The following SORL1 variants were observed in gnomAD, a reference collection of about 807,000 sequenced individuals.
SORL1 encodes sortilin related receptor 1.
SORL1 carries 127 observed loss-of-function variants against 273.7 expected under a neutral mutation model. The ratio of observed to expected loss-of-function variants is 0.46; its 90% CI spans 0.40 to 0.54. The LOEUF (loss-of-function observed/expected upper bound fraction) is 0.54. SORL1 is among the 20% of genes least tolerant of loss of function. The probability of loss-of-function intolerance (pLI) is 0.00; values close to 1 mark genes in which losing one functional copy is unlikely to be tolerated. For synonymous variants in SORL1, 1,031 were observed against 1,067.4 expected (o/e 0.97, Z 0.66); for missense variants, 2,494 against 2,846.1 (o/e 0.88, Z 2.81).
intron 43 of SORL1, among the ~76,000 whole-genome samples, chr11:121,620,404 C>T (rs533079389): frequency 4.6e-5 from 7 of 152,300 alleles, no homozygotes; most frequent in Non-Finnish European, 1.0e-4. Context: ...TTTCTGACCC[C>T]TCTTTAAAAG....
At position 121,554,838 on chromosome 11, in the gene SORL1, A is replaced by G. The variant is rs781512237; in HGVS notation, c.2440-349A>G. On this transcript the variant is annotated intron_variant, in intron 17 of 47. Coordinates refer to ENST00000260197, the MANE Select transcript of SORL1 (RefSeq NM_003105.6). This position sits in a 1 kb window ranked among gnomAD's most constrained non-coding sequence, Gnocchi z 4.6. ...GACACAAGAACTGAAATGTAACAGC[A>G]GTCTGGTTTCACTTATTTTAAAAGC... Among the ~76,000 whole-genome samples, 5 of 152,224 alleles carry G rather than the reference A, an allele frequency of 3.3e-5. No homozygotes were observed. Among genetic ancestry groups the G allele is most frequent in the Non-Finnish European group, 7.3e-5 (5 of 68,040 alleles).
At chr11:121,521,089 C>G (rs1029915653) in intron 9 of SORL1, among the ~76,000 whole-genome samples, 15 of 149,780 alleles carry the variant, frequency 1.0e-4, no homozygotes, top group African/African-American at 3.7e-4. Context: ...AAGTAGTATT[C>G]GTTTTTAGTA....
chr11:121,542,906 G>A (rs1415281148), intron 12 of SORL1, among the ~76,000 whole-genome samples: 1 of 151,028 alleles, frequency 6.6e-6, no homozygotes, highest in Non-Finnish European at 1.5e-5. Flanking sequence ...GGCCAGACAC[G>A]GTGGCTCATG....
chr11:121,601,539 C>T (rs1208001208), intron 32 of SORL1, among the ~76,000 whole-genome samples: 2 of 151,408 alleles, frequency 1.3e-5, no homozygotes, highest in East Asian at 3.9e-4. Context: ...CCTATTTCTC[C>T]ACCTCCTCTC....
intron 26 of SORL1, among the ~76,000 whole-genome samples, chr11:121,584,854 A>G (rs947393725): frequency 1.3e-5 from 2 of 152,182 alleles, no homozygotes; most frequent in African/African-American, 4.8e-5. Flanking sequence ...TTGGCCTCCC[A>G]AAGTGCTGCG....
At chr11:121,616,820 C>A (rs1863649485) in intron 41 of SORL1, among the ~76,000 whole-genome samples, 1 of 152,218 alleles carries the variant, frequency 6.6e-6, no homozygotes, top group Non-Finnish European at 1.5e-5. Flanking sequence ...CGTGACACAG[C>A]CCTCAGGAGG....
chr11:121,522,576 G>A lies in SORL1; in HGVS notation c.1405-10G>A. On this transcript the variant is annotated splice_polypyrimidine_tract_variant and intron_variant, in intron 9 of 47. Transcript: ENST00000260197. ...ATGTGCTGACACTGCCTGAAACTTTGGTTGTATAGCTTTCCCAGGGCTGTT... is the reference window on the plus strand; with the variant it reads ...ATGTGCTGACACTGCCTGAAACTTTAGTTGTATAGCTTTCCCAGGGCTGTT... 2 of 1,602,766 alleles carry A rather than the reference G, an allele frequency of 1.2e-6. No individual in the cohort carries two copies.
rs186890064 is a variant in SORL1, at chr11:121,514,704, C to T, written c.1211+383C>T. Among the ~76,000 whole-genome samples, 6 of 152,272 alleles carry T rather than the reference C, an allele frequency of 3.9e-5. No homozygotes were observed. In the East Asian group the frequency reaches 5.8e-4, roughly 15 times the overall value. ...ATCAGTCAGTGAGAGCTGGCATATGCGGCCAGTGGATCAGGTTAATTGATG... is the reference window on the plus strand; with the variant it reads ...ATCAGTCAGTGAGAGCTGGCATATGTGGCCAGTGGATCAGGTTAATTGATG... On this transcript the variant is annotated intron_variant, in intron 8 of 47. Coordinates refer to ENST00000260197, the MANE Select transcript of SORL1 (RefSeq NM_003105.6).
At position 121,579,176 on chromosome 11, in the gene SORL1, C is replaced by T. The variant is rs183222158; in HGVS notation, c.3580+1776C>T. ...CCTGGTTTTTTCTCTGATTTTCTTC[C>T]GGCAAGGCAAACTGGAGAAAACTTA... On this transcript the variant is annotated intron_variant, in intron 25 of 47. Coordinates refer to ENST00000260197, the MANE Select transcript of SORL1 (RefSeq NM_003105.6). 5.0e-4 allele frequency among the ~76,000 whole-genome samples: 76 copies of T among 152,266 alleles called. 1 individual carries two copies. The highest frequency in any genetic ancestry group is 1.8e-3 in the African/African-American group (76 of 41,542).
chr11:121,605,010 A>G lies in SORL1; in HGVS notation c.4652-103A>G, dbSNP rs1591349402. On this transcript the variant is annotated intron_variant, in intron 33 of 47. Transcript: ENST00000260197. ...AGTCTCGAACTCCTGAGCTCAGGCAATTTGCCCGCCTCGGCCTCCCAAAGT... is the reference window on the plus strand; with the variant it reads ...AGTCTCGAACTCCTGAGCTCAGGCAGTTTGCCCGCCTCGGCCTCCCAAAGT... 2.2e-5 allele frequency: 20 copies of G among 915,082 alleles called. No individual in the cohort carries two copies. The East Asian group carries it at 4.6e-4, about 21-fold the overall frequency. The allele number at this position is 915,082 out of a possible 1,614,324, so 56.7% of individuals were successfully genotyped here. A position where few individuals can be genotyped will look rare whatever the true frequency, so the allele number is the denominator to read the frequency against.
At chr11:121,585,500 T>TACAC (rs58254356) in intron 26 of SORL1, among the ~76,000 whole-genome samples, 27,332 of 137,238 alleles carry the variant, frequency 0.2, 3,055 homozygotes, top group South Asian at 0.39. Context: ...AAAATGTATA[T>TACAC]ACACACACAC....
chr11:121,593,621 C>G (rs983395885), intron 31 of SORL1, among the ~76,000 whole-genome samples: 1 of 152,124 alleles, frequency 6.6e-6, no homozygotes, highest in African/African-American at 2.4e-5. Context: ...TTGGTTTACT[C>G]CCTTGTTTGG....
rs1290520314 is a variant in SORL1, at chr11:121,563,327, T to A, written c.3050-3613T>A. ...GATTGATGATGGTTCATAATAAAAATGTTGTTCAGTTGCAACATTTATCAA... is the reference window on the plus strand; with the variant it reads ...GATTGATGATGGTTCATAATAAAAAAGTTGTTCAGTTGCAACATTTATCAA... On this transcript the variant is annotated intron_variant, in intron 21 of 47. Coordinates refer to ENST00000260197, the MANE Select transcript of SORL1 (RefSeq NM_003105.6). The surrounding 1 kb of genome is among the most constrained non-coding windows in gnomAD (Gnocchi z 4.2). Among the ~76,000 whole-genome samples, 1 of 152,222 alleles carries A rather than the reference T, an allele frequency of 6.6e-6. No individual in the cohort carries two copies. Among genetic ancestry groups the A allele is most frequent in the African/African-American group, 2.4e-5 (1 of 41,456 alleles).
At chr11:121,523,012 G>A (rs369631500) in intron 11 of SORL1, 23 bp downstream of exon 11, 60 of 1,471,788 alleles carry the variant, frequency 4.1e-5, no homozygotes, top group South Asian at 3.1e-4. Flanking sequence ...CCCCAATCCC[G>A]TCCCCTCCAC....
At chr11:121,622,895 C>CACA (rs1470879721) in intron 45 of SORL1, among the ~76,000 whole-genome samples, 1 of 152,216 alleles carries the variant, frequency 6.6e-6, no homozygotes, top group Non-Finnish European at 1.5e-5. Flanking sequence ...GCCCCAGAGA[C>CACA]AGCAAAGCCT....
chr11:121,544,682 G>A (rs1862397675), intron 13 of SORL1, among the ~76,000 whole-genome samples: 1 of 152,210 alleles, frequency 6.6e-6, no homozygotes, highest in African/African-American at 2.4e-5. Context: ...ACTTTGGAAT[G>A]CTTGTAGAAA....
At position 121,522,564 on chromosome 11, in the gene SORL1, G is replaced by A. The variant is rs898625023; in HGVS notation, c.1405-22G>A. ...AGGCATGGTATCATGTGCTGACACTGCCTGAAACTTTGGTTGTATAGCTTT... is the reference window on the plus strand; with the variant it reads ...AGGCATGGTATCATGTGCTGACACTACCTGAAACTTTGGTTGTATAGCTTT... On this transcript the variant is annotated intron_variant, in intron 9 of 47. Transcript: ENST00000260197. The A allele has an allele frequency of 2.6e-6, 4 of 1,562,112 alleles. No homozygotes were observed. In the East Asian group the frequency reaches 6.7e-5, roughly 26 times the overall value.
intron 1 of SORL1, among the ~76,000 whole-genome samples, chr11:121,455,440 C>T (rs966126734): frequency 6.6e-6 from 1 of 152,182 alleles, no homozygotes; most frequent in Admixed American, 6.5e-5. Context: ...ATGTTAAGGC[C>T]ACCACCTTCA....
intron 47 of SORL1, 53 bp from the exon 48 acceptor site, chr11:121,629,443 G>C (rs1863843459): frequency 1.1e-6 from 1 of 893,648 alleles, no homozygotes; most frequent in Admixed American, 1.7e-5. Flanking sequence ...TGGGATATGG[G>C]GTCAGGTGAA....
Sources: allele counts gnomAD v4.1 joint callset (sites outside exome capture counted in the v4.1 genomes callset), GRCh38; gene constraint gnomAD v4.1.1; non-coding constraint Gnocchi (gnomAD v3.1); transcripts MANE v1.5; gene names NCBI Gene and HGNC (gene_info 2026-07-23, HGNC 2026-07-21).